Variants in ROS1 observed in about 807,000 individuals in gnomAD.
The protein encoded by ROS1 is proto-oncogene tyrosine-protein kinase ROS.
ROS1 carries 263 observed loss-of-function variants against 273.5 expected under a neutral mutation model. The observed-to-expected ratio is 0.96, with a 90% CI of 0.87 to 1.06. The LOEUF (loss-of-function observed/expected upper bound fraction) is 1.06, where lower values mean the gene tolerates loss of function less well. Ranked by LOEUF, ROS1 falls within the 50% of genes least tolerant of loss-of-function variation. ROS1 has a pLI of 0.00. For synonymous variants in ROS1, 1,008 were observed against 954.1 expected (o/e 1.06, Z -1.04); for missense variants, 2,833 against 2,751.1 (o/e 1.03, Z -0.67).
chr6:117,346,238 CA>C (rs1778362965), intron 27 of ROS1, among the ~76,000 whole-genome samples: 1 of 151,768 alleles, frequency 6.6e-6, no homozygotes, highest in South Asian at 2.1e-4. Context: ...GACAGAAAGA[CA>C]GGTTTTTCCC....
rs2128650279 is a variant in ROS1, at chr6:117,360,351, T to C, written c.3421A>G (p.Thr1141Ala). The change falls in exon 23 of 44, where the codon ACA becomes GCA. Residue 1141 changes from threonine (T) to alanine (A), a missense_variant. Transcript: ENST00000368507. ...TTTAGAAAACAAATACCTGATGTTG[T>C]AGACTTTACAACGTCAGCATATGGT... ...PGPYADVVKS[T>A]TSEINPFPHL... 1 of 1,613,010 alleles carries C rather than the reference T, an allele frequency of 6.2e-7. No individual in the cohort carries two copies. Among genetic ancestry groups the C allele is most frequent in the Non-Finnish European group, 8.5e-7 (1 of 1,179,430 alleles).
intron 9 of ROS1, among the ~76,000 whole-genome samples, chr6:117,395,479 G>A (rs1173583024): frequency 1.3e-5 from 2 of 152,160 alleles, no homozygotes; most frequent in Non-Finnish European, 2.9e-5. Context: ...GTAAGGGGCA[G>A]TCAAGTCAGC....
chr6:117,396,070 T>G, intron 9 of ROS1, 118 bp downstream of exon 9: 1 of 551,130 alleles, frequency 1.8e-6, no homozygotes, highest in East Asian at 2.8e-5. Flanking sequence ...AAGACAATAA[T>G]CATTTGGGCA....
chr6:117,362,460 A>T (rs1779881071), intron 22 of ROS1, 143 bp downstream of exon 22: 1 of 668,690 alleles, frequency 1.5e-6, no homozygotes, highest in African/African-American at 1.9e-5. Flanking sequence ...ATTTTCTCAC[A>T]TAATTTTAAA....
chr6:117,409,727 T>C, intron 4 of ROS1, 85 bp from the exon 5 acceptor site: 1 of 977,474 alleles, frequency 1.0e-6, no homozygotes, highest in South Asian at 1.3e-5. Flanking sequence ...AAAATCCGAA[T>C]GCCTAATATG....
chr6:117,389,703 T>A lies in ROS1; in HGVS notation c.1433A>T (p.Tyr478Phe). Residue 478 changes from tyrosine to phenylalanine, a missense_variant, in exon 13 of 44, where the codon TAC becomes TTC. By Grantham distance (22) the Tyr-to-Phe change is conservative. Coordinates refer to ENST00000368507, the MANE Select transcript of ROS1 (RefSeq NM_001378902.1). ...GAAGACTTGGGCAGTGTCATTGAAG[T>A]AAATGATTCGCTTGGCTTGTGGCTT... is the stretch of plus-strand genomic sequence containing the variant. ...AIKPQAKRII[Y>F]FNDTAQVFMS... The A allele has an allele frequency of 6.2e-7, 1 of 1,614,166 alleles. No individual in the cohort carries two copies. The highest frequency in any genetic ancestry group is 8.5e-7 in the Non-Finnish European group (1 of 1,180,044).
At chr6:117,292,652 T>A (rs1223847884) in intron 43 of ROS1, among the ~76,000 whole-genome samples, 1 of 152,208 alleles carries the variant, frequency 6.6e-6, no homozygotes, top group African/African-American at 2.4e-5. Context: ...TTCAACTGAG[T>A]ATGAACCCAT....
At chr6:117,352,942 T>G in intron 27 of ROS1, 48 bp downstream of exon 27, 1 of 1,558,172 alleles carries the variant, frequency 6.4e-7, no homozygotes, top group Non-Finnish European at 8.8e-7. Context: ...GAGATTTTTC[T>G]GACCCTAAAT....
At chr6:117,343,418 T>G (rs1778109217) in intron 28 of ROS1, among the ~76,000 whole-genome samples, 1 of 152,192 alleles carries the variant, frequency 6.6e-6, no homozygotes, top group South Asian at 2.1e-4. Context: ...ATTGGATATA[T>G]GTGATTCCAT....
intron 18 of ROS1, among the ~76,000 whole-genome samples, chr6:117,368,205 G>A (rs751372576): frequency 6.6e-6 from 1 of 152,004 alleles, no homozygotes. Flanking sequence ...GGTTGTTTCT[G>A]AAGTTGTAAC....
At chr6:117,384,359 T>C (rs559674189) in intron 16 of ROS1, among the ~76,000 whole-genome samples, 1 of 152,288 alleles carries the variant, frequency 6.6e-6, no homozygotes, top group South Asian at 2.1e-4. Context: ...ATGGACACAC[T>C]AAAAAATCTC....
At chr6:117,342,863 CAT>C (rs955252472) in intron 28 of ROS1, among the ~76,000 whole-genome samples, 2 of 152,072 alleles carry the variant, frequency 1.3e-5, no homozygotes, top group African/African-American at 2.4e-5. Context: ...TGGTAGAAAA[CAT>C]GTGACACATA....
chr6:117,371,451 T>C lies in ROS1; in HGVS notation c.2583-5161A>G, dbSNP rs1780762392. 3.9e-5 allele frequency among the ~76,000 whole-genome samples: 6 copies of C among 152,278 alleles called. No individual in the cohort carries two copies. The South Asian group carries it at 1.2e-3, about 32-fold the overall frequency. On this transcript the variant is annotated intron_variant, in intron 18 of 43. Transcript: ENST00000368507. ...TTGCAGTCCCCAGGGAAACCATTCCTGACTTTGTCTTGCAGAGATCCTTGG... is the reference window on the plus strand; with the variant it reads ...TTGCAGTCCCCAGGGAAACCATTCCCGACTTTGTCTTGCAGAGATCCTTGG...
chr6:117,304,822 A>T (rs1478620529), intron 42 of ROS1, among the ~76,000 whole-genome samples: 2 of 152,112 alleles, frequency 1.3e-5, no homozygotes, highest in African/African-American at 2.4e-5. Flanking sequence ...TGACTGAATC[A>T]TGGGGGCAGA....
intron 10 of ROS1, 25 bp downstream of exon 10, chr6:117,394,591 A>C: frequency 6.7e-7 from 1 of 1,502,322 alleles, no homozygotes. Flanking sequence ...CACACTAAGG[A>C]ATCATTTATC....
At chr6:117,384,454 C>T (rs563233685) in intron 16 of ROS1, among the ~76,000 whole-genome samples, 3 of 152,176 alleles carry the variant, frequency 2.0e-5, no homozygotes, top group East Asian at 3.9e-4. Flanking sequence ...AGGGACATGT[C>T]GGCTATTTGT....
chr6:117,299,127 T>C (rs1396887415), intron 43 of ROS1, among the ~76,000 whole-genome samples: 2 of 152,212 alleles, frequency 1.3e-5, no homozygotes, highest in Non-Finnish European at 2.9e-5. Context: ...TGTGAGACTA[T>C]TAACAAGGTT....
chr6:117,367,077 A>G (rs77397625), intron 18 of ROS1, among the ~76,000 whole-genome samples: 72 of 152,312 alleles, frequency 4.7e-4, no homozygotes, highest in African/African-American at 1.7e-3. Flanking sequence ...CGTAAAAACC[A>G]ATGCCTGAAG....
intron 17 of ROS1, among the ~76,000 whole-genome samples, chr6:117,381,619 C>T (rs544883287): frequency 1.3e-5 from 2 of 152,108 alleles, no homozygotes; most frequent in East Asian, 3.9e-4. Context: ...ATTTATACCA[C>T]ATTTTCTTTA....
Sources: allele counts gnomAD v4.1 joint callset (sites outside exome capture counted in the v4.1 genomes callset), GRCh38; gene constraint gnomAD v4.1.1; transcripts MANE v1.5; gene names NCBI Gene and HGNC (gene_info 2026-07-23, HGNC 2026-07-21).